Variants in NCAM2 observed in about 807,000 individuals in gnomAD.
NCAM2 encodes neural cell adhesion molecule 2.
In NCAM2, 30 loss-of-function variants were observed where a neutral mutation model predicts 98.1. The ratio of observed to expected loss-of-function variants is 0.31; its 90% CI spans 0.23 to 0.41. The LOEUF is 0.41. Among genes scored for constraint, NCAM2 ranks in the 10% least tolerant of loss-of-function variants. The probability of loss-of-function intolerance (pLI) is 1.00; values close to 1 mark genes in which losing one functional copy is unlikely to be tolerated. For synonymous variants in NCAM2, 368 were observed against 342.4 expected, an observed-to-expected ratio of 1.07 and a Z score of -0.83; for missense variants, 867 against 1,005.8, an observed-to-expected ratio of 0.86 and a Z score of 1.87.
Position 21,140,982 on chromosome 21 carries a change from A to G in NCAM2, c.56-139596A>G, listed in dbSNP as rs1316521246. On this transcript the variant is annotated intron_variant, in intron 1 of 17. Transcript: ENST00000400546. Reference sequence around the variant, plus strand: ...CATGTACCCTGCTGTGAAGGACTCTATATTTTAAAAATGGGCTATTTATCT... The same window carrying G: ...CATGTACCCTGCTGTGAAGGACTCTGTATTTTAAAAATGGGCTATTTATCT... Among the ~76,000 whole-genome samples the G allele has an allele frequency of 2.0e-5, 3 of 152,284 alleles. No individual in the cohort carries two copies. The South Asian group carries it at 6.2e-4, about 32-fold the overall frequency.
At chr21:21,323,409 A>G (rs1008120278) in intron 5 of NCAM2, among the ~76,000 whole-genome samples, 3 of 152,178 alleles carry the variant, frequency 2.0e-5, no homozygotes, top group Non-Finnish European at 4.4e-5. Context: ...TGTGGCATCA[A>G]CGCTGACCTG....
chr21:21,478,914 G>T (rs968076962), intron 15 of NCAM2, among the ~76,000 whole-genome samples: 5 of 152,126 alleles, frequency 3.3e-5, no homozygotes, highest in African/African-American at 1.2e-4. Context: ...AAGAATGACT[G>T]AATGTACTAT....
intron 1 of NCAM2, among the ~76,000 whole-genome samples, chr21:21,136,636 T>G (rs9680304): frequency 1.6e-4 from 20 of 128,726 alleles, no homozygotes; most frequent in Admixed American, 6.7e-4. Context: ...TTTTGTTTTT[T>G]TTTTTATTTT....
intron 1 of NCAM2, among the ~76,000 whole-genome samples, chr21:21,181,776 G>A (rs2096880): frequency 0.48 from 72,330 of 151,480 alleles, 17,727 homozygotes; most frequent in South Asian, 0.59. Flanking sequence ...CTCTTCCTTC[G>A]TTTTTTTTCC....
intron 10 of NCAM2, among the ~76,000 whole-genome samples, chr21:21,413,911 G>A (rs1029834457): frequency 8.6e-5 from 13 of 152,022 alleles, no homozygotes; most frequent in African/African-American, 2.4e-4. Flanking sequence ...ATGCTATAAG[G>A]CTAACAGCAT....
intron 8 of NCAM2, among the ~76,000 whole-genome samples, chr21:21,373,453 A>G (rs925263263): frequency 2.6e-5 from 4 of 151,926 alleles, no homozygotes; most frequent in Non-Finnish European, 4.4e-5. Context: ...CACGTCTGTG[A>G]AGAGTGTTTA....
intron 12 of NCAM2, among the ~76,000 whole-genome samples, chr21:21,447,196 A>G (rs762033763): frequency 8.5e-5 from 13 of 152,182 alleles, no homozygotes; most frequent in Non-Finnish European, 1.3e-4. Flanking sequence ...ACTGGTATCA[A>G]TACAGACATA....
chr21:21,404,407 G>A (rs917121898), intron 9 of NCAM2, among the ~76,000 whole-genome samples: 5 of 152,084 alleles, frequency 3.3e-5, no homozygotes, highest in African/African-American at 1.2e-4. Flanking sequence ...GAGAGCTGAT[G>A]GTTTTATAAG....
intron 1 of NCAM2, among the ~76,000 whole-genome samples, chr21:21,148,316 CTT>C (rs2067347574): frequency 6.6e-6 from 1 of 152,136 alleles, no homozygotes; most frequent in Admixed American, 6.5e-5. Flanking sequence ...CTTTCTCTAA[CTT>C]TAATACTGTG....
intron 1 of NCAM2, among the ~76,000 whole-genome samples, chr21:21,261,416 G>A (rs1887376132): frequency 6.6e-6 from 1 of 152,020 alleles, no homozygotes; most frequent in Non-Finnish European, 1.5e-5. Flanking sequence ...CTGTGCATGG[G>A]GCACTCTCTA....
intron 1 of NCAM2, among the ~76,000 whole-genome samples, chr21:20,999,816 C>T (rs1447131988): frequency 6.6e-6 from 1 of 152,174 alleles, no homozygotes; most frequent in Non-Finnish European, 1.5e-5. Flanking sequence ...TGCTCTTCCA[C>T]AGAGTCCTTC....
chr21:21,404,854 TGAAA>T (rs2076706664), intron 9 of NCAM2, among the ~76,000 whole-genome samples: 1 of 151,572 alleles, frequency 6.6e-6, no homozygotes, highest in Non-Finnish European at 1.5e-5. Flanking sequence ...TTTACAGAAG[TGAAA>T]GTAAAGTTGC....
intron 8 of NCAM2, among the ~76,000 whole-genome samples, chr21:21,355,289 G>A (rs2075440334): frequency 6.6e-6 from 1 of 151,442 alleles, no homozygotes; most frequent in Admixed American, 6.6e-5. Context: ...CAAAAAATTA[G>A]CCGAGCCTGG....
At chr21:21,039,313 G>T (rs554572341) in intron 1 of NCAM2, among the ~76,000 whole-genome samples, 5 of 152,168 alleles carry the variant, frequency 3.3e-5, no homozygotes, top group Non-Finnish European at 7.4e-5. Flanking sequence ...AAGATTTGCA[G>T]TTCCCTCGAA....
intron 4 of NCAM2, among the ~76,000 whole-genome samples, chr21:21,286,852 G>A (rs1399906251): frequency 1.3e-5 from 2 of 151,860 alleles, no homozygotes; most frequent in Non-Finnish European, 2.9e-5. Flanking sequence ...GTAAATGAAG[G>A]AGTACATCCT....
At chr21:21,277,406 T>C (rs1383273635) in intron 1 of NCAM2, among the ~76,000 whole-genome samples, 1 of 152,174 alleles carries the variant, frequency 6.6e-6, no homozygotes, top group African/African-American at 2.4e-5. Context: ...GATGTATTTA[T>C]TGATACCATA....
intron 1 of NCAM2, among the ~76,000 whole-genome samples, chr21:21,040,611 A>G (rs539462152): frequency 9.9e-5 from 15 of 152,272 alleles, no homozygotes; most frequent in Non-Finnish European, 1.9e-4. Flanking sequence ...TTAAAAAAAA[A>G]AGAAATCTTG....
intron 8 of NCAM2, among the ~76,000 whole-genome samples, chr21:21,355,956 G>C (rs1237891368): frequency 6.6e-6 from 1 of 152,014 alleles, no homozygotes; most frequent in Admixed American, 6.6e-5. Flanking sequence ...AATTAATTTC[G>C]CATCAACACA....
rs1033684035 is a variant in NCAM2 at position 21,286,153 on chromosome 21, T to C, written c.338-116T>C. 8.1e-6 allele frequency: 9 copies of C among 1,114,564 alleles called. No homozygotes were observed. The African/African-American group carries it at 1.3e-4, about 16-fold the overall frequency. 69.0% of individuals were successfully genotyped at this position (1,114,564 alleles called of 1,614,324 possible). A position where few individuals can be genotyped will look rare whatever the true frequency, so the allele number is the denominator to read the frequency against. On this transcript the variant is annotated intron_variant, in intron 3 of 17. Transcript: ENST00000400546. ...AGTTTAAGATTTTAAAGTATCTAGG[T>C]TTCCCTAATTATTTTATTATAGTAT...
Sources: allele counts gnomAD v4.1 joint callset (sites outside exome capture counted in the v4.1 genomes callset), GRCh38; gene constraint gnomAD v4.1.1; transcripts MANE v1.5; gene names NCBI Gene and HGNC (gene_info 2026-07-23, HGNC 2026-07-21).